PCCA: variants seen among roughly 807,000 people sequenced by gnomAD.
PCCA encodes propionyl-CoA carboxylase subunit alpha.
A neutral mutation model predicts 101.3 loss-of-function variants in PCCA; 74 were observed. The ratio of observed to expected loss-of-function variants is 0.73; its 90% CI spans 0.61 to 0.89. PCCA has a LOEUF of 0.89. PCCA is among the 40% of genes least tolerant of loss of function. The pLI is 0.00. For missense variants in PCCA, 891 were observed against 907.0 expected (o/e 0.98, Z 0.23); for synonymous variants, 294 against 313.6 (o/e 0.94, Z 0.66).
chr13:100,471,981 A>G (rs1156677767), intron 21 of PCCA, among the ~76,000 whole-genome samples: 1 of 152,154 alleles, frequency 6.6e-6, no homozygotes, highest in Non-Finnish European at 1.5e-5. Flanking sequence ...GGACACTTGG[A>G]GAGTGAGTGG....
intron 17 of PCCA, among the ~76,000 whole-genome samples, chr13:100,336,604 G>A (rs1401667491): frequency 6.6e-6 from 1 of 152,184 alleles, no homozygotes; most frequent in Admixed American, 6.5e-5. Context: ...TAGTTGTGAG[G>A]AGGAAGGTTT....
At chr13:100,263,236 G>A (rs1481775274) in intron 10 of PCCA, among the ~76,000 whole-genome samples, 1 of 152,106 alleles carries the variant, frequency 6.6e-6, no homozygotes, top group African/African-American at 2.4e-5. Context: ...TCCTTAAAGT[G>A]GTTACGTAGG....
At chr13:100,403,759 A>G (rs528213712) in intron 19 of PCCA, among the ~76,000 whole-genome samples, 1 of 152,272 alleles carries the variant, frequency 6.6e-6, no homozygotes, top group African/African-American at 2.4e-5. Context: ...CTTCAAGGCC[A>G]GAGTCCTGCT....
chr13:100,112,165 A>G, intron 4 of PCCA, 104 bp downstream of exon 4: 3 of 790,768 alleles, frequency 3.8e-6, no homozygotes, highest in South Asian at 1.5e-5. Flanking sequence ...GATACATTCA[A>G]GTTTAAAAAC....
chr13:100,152,402 A>G (rs1308669612), intron 4 of PCCA, among the ~76,000 whole-genome samples: 1 of 151,488 alleles, frequency 6.6e-6, no homozygotes, highest in African/African-American at 2.4e-5. Context: ...ATCACCCAGT[A>G]AAATATATTA....
At chr13:100,375,540 G>C (rs1256301648) in intron 19 of PCCA, among the ~76,000 whole-genome samples, 3 of 152,154 alleles carry the variant, frequency 2.0e-5, no homozygotes, top group East Asian at 3.8e-4. Flanking sequence ...TTATGAATCT[G>C]TGTGCTCCTG....
At chr13:100,133,418 CT>C (rs1361198690) in intron 4 of PCCA, among the ~76,000 whole-genome samples, 10 of 152,082 alleles carry the variant, frequency 6.6e-5, no homozygotes, top group Non-Finnish European at 1.5e-4. Flanking sequence ...CAGCTGATCA[CT>C]TTTTTCATCT....
At chr13:100,271,980 C>A (rs577587923) in intron 11 of PCCA, among the ~76,000 whole-genome samples, 1 of 152,304 alleles carries the variant, frequency 6.6e-6, no homozygotes, top group South Asian at 2.1e-4. Flanking sequence ...CATGTCATCT[C>A]AATCCTGCTC....
chr13:100,306,259 T>C (rs1213243419), intron 14 of PCCA, among the ~76,000 whole-genome samples: 1 of 152,230 alleles, frequency 6.6e-6, no homozygotes, highest in Non-Finnish European at 1.5e-5. Flanking sequence ...GCTCTTCTCT[T>C]CCCACCCCTT....
chr13:100,140,777 G>C (rs2051769195), intron 4 of PCCA, among the ~76,000 whole-genome samples: 1 of 152,188 alleles, frequency 6.6e-6, no homozygotes, highest in South Asian at 2.1e-4. Context: ...CTTACCTGCA[G>C]TTAGAATGGC....
intron 4 of PCCA, among the ~76,000 whole-genome samples, chr13:100,145,942 CT>C (rs369326970): frequency 0.14 from 19,693 of 138,678 alleles, 1,237 homozygotes; most frequent in Non-Finnish European, 0.18. Context: ...GATAGTTTTG[CT>C]TTTTTTTTTT....
chr13:100,420,972 C>T (rs971259993), intron 19 of PCCA, among the ~76,000 whole-genome samples: 1 of 152,040 alleles, frequency 6.6e-6, no homozygotes, highest in Non-Finnish European at 1.5e-5. Flanking sequence ...TTTGGGAGGC[C>T]GTGGCGGGCC....
intron 6 of PCCA, among the ~76,000 whole-genome samples, chr13:100,179,819 A>G (rs987779821): frequency 5.9e-5 from 9 of 152,044 alleles, no homozygotes; most frequent in Admixed American, 2.6e-4. Context: ...CATTTGACTA[A>G]TAACTGATGA....
chr13:100,157,591 A>C lies in PCCA; in HGVS notation c.468+251A>C, dbSNP rs138305424. Among the ~76,000 whole-genome samples the C allele has an allele frequency of 2.0e-3, 307 of 152,348 alleles. 2 individuals carry two copies. The highest frequency in any genetic ancestry group is 7.0e-3 in the African/African-American group (292 of 41,582). The stretch of plus-strand genomic sequence containing the variant: ...TGATACCTGGTTTATTATATACTGC[A>C]TGATATTTGAATTAAAGTTAAAAAC... On this transcript the variant is annotated intron_variant, in intron 6 of 23. Coordinates refer to ENST00000376285, the MANE Select transcript of PCCA (RefSeq NM_000282.4).
intron 21 of PCCA, among the ~76,000 whole-genome samples, chr13:100,514,364 G>A (rs1336423652): frequency 6.6e-6 from 1 of 152,130 alleles, no homozygotes; most frequent in Non-Finnish European, 1.5e-5. Flanking sequence ...ATTAAAGGGG[G>A]AATTATATTT....
intron 19 of PCCA, among the ~76,000 whole-genome samples, chr13:100,385,019 G>GTTA (rs1166577701): frequency 6.6e-6 from 1 of 151,898 alleles, no homozygotes; most frequent in African/African-American, 2.4e-5. Flanking sequence ...AGAATTAAAT[G>GTTA]TTATGATCAT....
chr13:100,340,691 G>T (rs971367242), intron 18 of PCCA, among the ~76,000 whole-genome samples: 1 of 152,194 alleles, frequency 6.6e-6, no homozygotes, highest in Non-Finnish European at 1.5e-5. Flanking sequence ...TTAGTCATTT[G>T]TGAGACACAA....
intron 21 of PCCA, among the ~76,000 whole-genome samples, chr13:100,492,530 C>T (rs2084981574): frequency 6.6e-6 from 1 of 151,660 alleles, no homozygotes; most frequent in Admixed American, 6.6e-5. Flanking sequence ...CCAGAGTCAC[C>T]CCTAGCACCA....
intron 4 of PCCA, among the ~76,000 whole-genome samples, chr13:100,120,822 C>G (rs1325647814): frequency 1.3e-5 from 2 of 152,116 alleles, no homozygotes; most frequent in East Asian, 3.9e-4. Context: ...GAAGAGAAGA[C>G]AATTCTAGTG....
Sources: allele counts gnomAD v4.1 joint callset (sites outside exome capture counted in the v4.1 genomes callset), GRCh38; gene constraint gnomAD v4.1.1; transcripts MANE v1.5; gene names NCBI Gene and HGNC (gene_info 2026-07-23, HGNC 2026-07-21).